The following CNOT10 variants were observed in gnomAD, a reference collection of about 807,000 sequenced individuals.
CNOT10 encodes the protein CCR4-NOT transcription complex subunit 10.
A neutral mutation model predicts 94.6 loss-of-function variants in CNOT10; 30 were observed. The ratio of observed to expected loss-of-function variants is 0.32; its 90% confidence interval spans 0.24 to 0.43. The LOEUF (loss-of-function observed/expected upper bound fraction) is 0.43, where lower values mean the gene tolerates loss of function less well. Ranked by LOEUF, CNOT10 falls within the 20% of genes least tolerant of loss-of-function variation. The pLI, the probability that CNOT10 is intolerant of heterozygous loss-of-function variation, is 1.00. For missense variants in CNOT10, 759 were observed against 877.2 expected (o/e 0.87, Z 1.70); for synonymous variants, 289 against 301.6 (o/e 0.96, Z 0.43).
At chr3:32,703,790 C>A in intron 1 of CNOT10, 78 bp from the exon 2 acceptor site, 2 of 957,500 alleles carry the variant, frequency 2.1e-6, no homozygotes, top group Non-Finnish European at 3.3e-6. Flanking sequence ...ACTGAAACTG[C>A]AGAAAGTGAA....
chr3:32,758,330 G>A (rs1004690637), intron 13 of CNOT10, among the ~76,000 whole-genome samples: 2 of 152,136 alleles, frequency 1.3e-5, no homozygotes, highest in African/African-American at 4.8e-5. Flanking sequence ...GAGTTGAGGG[G>A]CTGCCTTTCT....
intron 4 of CNOT10, 104 bp downstream of exon 4, chr3:32,708,924 A>T: frequency 1.2e-6 from 1 of 864,796 alleles, no homozygotes; most frequent in Non-Finnish European, 1.7e-6. Flanking sequence ...CCATGCCAGT[A>T]TTCAAAGAAA....
At chr3:32,718,833 G>A (rs113252220) in intron 7 of CNOT10, among the ~76,000 whole-genome samples, 3,346 of 151,932 alleles carry the variant, frequency 0.022, 49 homozygotes, top group East Asian at 0.048. Context: ...TGAATAAATA[G>A]GCCAGGCGTG....
At chr3:32,765,189 G>A (rs979980853) in intron 17 of CNOT10, 10 of 343,518 alleles carry the variant, frequency 2.9e-5, no homozygotes, top group African/African-American at 2.0e-4. Flanking sequence ...TTGGTGGCAC[G>A]CACCTGTAGT....
chr3:32,707,583 C>T (rs1039464557), intron 3 of CNOT10, among the ~76,000 whole-genome samples: 31 of 152,192 alleles, frequency 2.0e-4, no homozygotes, highest in African/African-American at 6.5e-4. Context: ...GTGGGCAGAT[C>T]GCCTGAGGTC....
At chr3:32,754,550 T>C (rs1417536904) in intron 13 of CNOT10, among the ~76,000 whole-genome samples, 1 of 131,808 alleles carries the variant, frequency 7.6e-6, no homozygotes, top group East Asian at 2.4e-4. Context: ...GACGGAGTCT[T>C]GCTCTGTTTT....
chr3:32,755,188 G>A (rs1035673701), intron 13 of CNOT10, among the ~76,000 whole-genome samples: 2 of 151,312 alleles, frequency 1.3e-5, no homozygotes, highest in African/African-American at 4.8e-5. Flanking sequence ...GGAGGTTGTG[G>A]TGAGCAGAGA....
chr3:32,773,503 C>A lies in CNOT10; in HGVS notation c.2127C>A (p.Leu709=), dbSNP rs1414754189. Residue 709 remains leucine (L), a synonymous_variant, in exon 19 of 19, where the codon CTC becomes CTA. Transcript: ENST00000328834. Reference sequence around the variant, plus strand: ...AGATCATCAAAAGGAATCAGCTGCTCCCTGCAGTGAAAACACACTCTGAAG... The same window carrying A: ...AGATCATCAAAAGGAATCAGCTGCTACCTGCAGTGAAAACACACTCTGAAG... The part of the protein sequence containing the change: ...ALQIIKRNQL[L]PAVKTHSEVR... 6.2e-7 allele frequency: 1 copy of A among 1,613,920 alleles called. No homozygotes were observed. The highest frequency in any genetic ancestry group is 8.5e-7 in the Non-Finnish European group (1 of 1,179,990).
chr3:32,764,646 G>T, intron 16 of CNOT10, 36 bp from the exon 17 acceptor site: 1 of 1,609,688 alleles, frequency 6.2e-7, no homozygotes, highest in Non-Finnish European at 8.5e-7. Flanking sequence ...CTGTTGGCAC[G>T]GCCTCTTCAC....
chr3:32,694,678 T>C (rs7645974), intron 1 of CNOT10, among the ~76,000 whole-genome samples: 9,290 of 152,096 alleles, frequency 0.061, 328 homozygotes, highest in African/African-American at 0.09. Flanking sequence ...CAATCTCTGC[T>C]TCCTGGGTTC....
At chr3:32,758,741 T>C (rs753230027) in intron 13 of CNOT10, among the ~76,000 whole-genome samples, 9 of 152,232 alleles carry the variant, frequency 5.9e-5, no homozygotes, top group African/African-American at 9.6e-5. Context: ...ACCAGACTTG[T>C]TTTAAATGAG....
intron 3 of CNOT10, among the ~76,000 whole-genome samples, chr3:32,707,400 C>CT (rs1697672028): frequency 6.6e-6 from 1 of 151,752 alleles, no homozygotes; most frequent in Admixed American, 6.6e-5. Flanking sequence ...AAAATCTATT[C>CT]TTTTTTACGG....
chr3:32,725,505 G>C lies in CNOT10; in HGVS notation c.918G>C (p.Met306Ile), dbSNP rs1698626033. The part of the protein sequence containing the change: ...WNNLGCIHFA[M>I]SKHNLGIFYF... Reference sequence around the variant, plus strand: ...ACCTTGGTTGCATCCATTTTGCCATGAGCAAGCACAATTTGGGAATATTCT... The same window carrying C: ...ACCTTGGTTGCATCCATTTTGCCATCAGCAAGCACAATTTGGGAATATTCT... The change falls in exon 9 of 19, where the codon ATG becomes ATC. Residue 306 changes from methionine (M) to isoleucine (I), a missense_variant. Met to Ile is a conservative substitution (Grantham distance 10). Around this residue, in one of 3 missense-constraint regions of CNOT10, gnomAD observed 682 missense variants for 799.4 expected, o/e 0.85. Coordinates refer to ENST00000328834, the MANE Select transcript of CNOT10 (RefSeq NM_015442.3). The C allele has an allele frequency of 6.2e-7, 1 of 1,613,730 alleles. No homozygotes were observed.
At chr3:32,748,277 G>A (rs148504282) in intron 13 of CNOT10, among the ~76,000 whole-genome samples, 2 of 152,292 alleles carry the variant, frequency 1.3e-5, no homozygotes, top group African/African-American at 4.8e-5. Context: ...CTATGTCACA[G>A]TTTTTTGTAC....
intron 10 of CNOT10, among the ~76,000 whole-genome samples, chr3:32,732,732 C>T (rs959507920): frequency 5.3e-5 from 8 of 152,174 alleles, no homozygotes; most frequent in African/African-American, 1.9e-4. Flanking sequence ...TGAACCACTG[C>T]ACCCAACCAA....
At chr3:32,714,073 A>G (rs1670564353) in intron 5 of CNOT10, among the ~76,000 whole-genome samples, 1 of 152,116 alleles carries the variant, frequency 6.6e-6, no homozygotes, top group Non-Finnish European at 1.5e-5. Context: ...TTAACTCTAT[A>G]TTTAACCCTA....
At chr3:32,692,765 G>C (rs1027832101) in intron 1 of CNOT10, among the ~76,000 whole-genome samples, 2 of 152,116 alleles carry the variant, frequency 1.3e-5, no homozygotes, top group African/African-American at 2.4e-5. Context: ...GCTCTCCTGG[G>C]CTGGGTACAG....
chr3:32,763,079 G>C (rs530624748), intron 15 of CNOT10, among the ~76,000 whole-genome samples: 1 of 152,174 alleles, frequency 6.6e-6, no homozygotes, highest in Non-Finnish European at 1.5e-5. Context: ...TTGAAAGGCT[G>C]GTACTGTTAG....
At chr3:32,711,860 C>G (rs940666435) in intron 4 of CNOT10, among the ~76,000 whole-genome samples, 29 of 152,302 alleles carry the variant, frequency 1.9e-4, no homozygotes, top group African/African-American at 5.1e-4. Flanking sequence ...GCAGGGCTTA[C>G]TGTCTTAGGT....
Sources: allele counts gnomAD v4.1 joint callset (sites outside exome capture counted in the v4.1 genomes callset), GRCh38; gene constraint gnomAD v4.1.1; regional missense constraint gnomAD v4.1.1; transcripts MANE v1.5; gene names NCBI Gene and HGNC (gene_info 2026-07-23, HGNC 2026-07-21).